The following PITRM1 variants were observed in gnomAD, a reference collection of about 807,000 sequenced individuals.
The protein encoded by PITRM1 is presequence protease, mitochondrial.
In PITRM1, 100 loss-of-function variants were observed where a neutral mutation model predicts 129.9. The observed-to-expected ratio is 0.77, with a 90% CI of 0.65 to 0.91. The LOEUF is 0.91. Among genes scored for constraint, PITRM1 ranks in the 40% least tolerant of loss-of-function variants. PITRM1 has a pLI of 0.00. For missense variants in PITRM1, 1,471 were observed against 1,318.3 expected, an observed-to-expected ratio of 1.12 and a Z score of -1.79; for synonymous variants, 591 against 508.8, an observed-to-expected ratio of 1.16 and a Z score of -2.17.
At chr10:3,157,597 T>A in intron 11 of PITRM1, 66 bp from the exon 12 acceptor site, 4 of 1,050,436 alleles carry the variant, frequency 3.8e-6, no homozygotes, top group Non-Finnish European at 5.6e-6. Context: ...ATCCCAGCAC[T>A]TTGGGAGGCC....
At chr10:3,143,732 C>G (rs892155206) in intron 22 of PITRM1, 1 of 701,206 alleles carries the variant, frequency 1.4e-6, no homozygotes, top group African/African-American at 1.8e-5. Flanking sequence ...CACTGTAAAA[C>G]TGACATGAAG....
chr10:3,147,281 G>T, intron 19 of PITRM1, 31 bp from the exon 20 acceptor site: 1 of 1,487,050 alleles, frequency 6.7e-7, no homozygotes, highest in Non-Finnish European at 9.4e-7. Flanking sequence ...TCAGAGAGAG[G>T]CAGAGGCTAC....
At chr10:3,148,428 G>A (rs1158439108) in intron 16 of PITRM1, 137 bp from the exon 17 acceptor site, 3 of 1,121,646 alleles carry the variant, frequency 2.7e-6, no homozygotes, top group Admixed American at 2.5e-5. Flanking sequence ...ACACTTCGAA[G>A]GTCATAAGCA....
intron 21 of PITRM1, 33 bp from the exon 22 acceptor site, chr10:3,144,399 AAT>A (rs1207125668): frequency 7.6e-7 from 1 of 1,320,358 alleles, no homozygotes; most frequent in African/African-American, 1.5e-5. Context: ...AAAAGAGAAA[AAT>A]CCAGAACTCA....
At chr10:3,138,182 G>T in intron 26 of PITRM1, 53 bp downstream of exon 26, 1 of 1,573,272 alleles carries the variant, frequency 6.4e-7, no homozygotes, top group Non-Finnish European at 8.7e-7. Flanking sequence ...CGCTGTTAGA[G>T]TCAGCACGAG....
intron 6 of PITRM1, 34 bp from the exon 7 acceptor site, chr10:3,163,919 C>T: frequency 1.4e-6 from 2 of 1,471,172 alleles, no homozygotes; most frequent in Non-Finnish European, 9.3e-7. Context: ...CATAAGTATA[C>T]ATGTAAAATA....
intron 6 of PITRM1, among the ~76,000 whole-genome samples, chr10:3,164,490 AT>A (rs887456933): frequency 6.6e-6 from 1 of 152,104 alleles, no homozygotes; most frequent in Non-Finnish European, 1.5e-5. Flanking sequence ...TGAGGTTGCA[AT>A]TTTTTTGTAA....
chr10:3,148,491 G>C (rs915936511), intron 16 of PITRM1, 200 bp from the exon 17 acceptor site: 1 of 586,286 alleles, frequency 1.7e-6, no homozygotes. Context: ...TCCCCAGGGA[G>C]ACCCCAGTTT....
chr10:3,142,340 G>A (rs995416939), intron 23 of PITRM1, among the ~76,000 whole-genome samples: 3 of 152,180 alleles, frequency 2.0e-5, no homozygotes, highest in African/African-American at 2.4e-5. Context: ...CGTGCACCTC[G>A]GAGGCCCGGC....
rs777446752 is a variant in PITRM1 at position 3,155,566 on chromosome 10, G to A, written c.1621+25C>T. On this transcript the variant is annotated intron_variant, in intron 14 of 26. Coordinates refer to ENST00000224949, the MANE Select transcript of PITRM1 (RefSeq NM_014889.4). Reference sequence around the variant, plus strand: ...AGGCCCGAGTGCAGGTTAGGGACTCGCCAGCTCGGAAGGAAGCCTCTGACC... The same window carrying A: ...AGGCCCGAGTGCAGGTTAGGGACTCACCAGCTCGGAAGGAAGCCTCTGACC... The A allele has an allele frequency of 4.3e-6, 7 of 1,612,890 alleles. No individual in the cohort carries two copies. The highest frequency in any genetic ancestry group is 4.0e-5 in the African/African-American group (3 of 74,856).
rs564032567 is a variant in PITRM1 at position 3,155,121 on chromosome 10, G to A, written c.1621+470C>T. Among the ~76,000 whole-genome samples, 13 of 152,114 alleles carry A rather than the reference G, an allele frequency of 8.5e-5. No individual in the cohort carries two copies. The East Asian group carries it at 1.4e-3, about 16-fold the overall frequency. On this transcript the variant is annotated intron_variant, in intron 14 of 26. Coordinates refer to ENST00000224949, the MANE Select transcript of PITRM1 (RefSeq NM_014889.4). ...GGGCACACCTGTCTCCCCCACACAC[G>A]CTGTCCTCCCTCCATGCCCACCGCT...
chr10:3,164,070 T>C, intron 6 of PITRM1, 185 bp from the exon 7 acceptor site: 1 of 389,308 alleles, frequency 2.6e-6, no homozygotes, highest in Non-Finnish European at 4.6e-6. Flanking sequence ...AACACGGTAT[T>C]CAATCATTCA....
At chr10:3,167,844 G>A (rs748443936) in intron 2 of PITRM1, 1 of 152,202 alleles carries the variant, frequency 6.6e-6, no homozygotes, top group Non-Finnish European at 1.5e-5. Context: ...TGGGTTCTCG[G>A]TGGTAGCTAG....
At chr10:3,165,825 C>T (rs756272596) in intron 4 of PITRM1, among the ~76,000 whole-genome samples, 2 of 152,222 alleles carry the variant, frequency 1.3e-5, no homozygotes, top group African/African-American at 2.4e-5. Context: ...CAAAGATGAC[C>T]TCATTCTGTA....
intron 6 of PITRM1, among the ~76,000 whole-genome samples, chr10:3,164,469 C>T (rs1198109310): frequency 1.3e-5 from 2 of 152,070 alleles, no homozygotes; most frequent in Admixed American, 6.6e-5. Context: ...AAAAATTAAC[C>T]CATTTATGCC....
At chr10:3,154,029 C>T (rs1490169901) in intron 14 of PITRM1, among the ~76,000 whole-genome samples, 1 of 152,198 alleles carries the variant, frequency 6.6e-6, no homozygotes, top group Admixed American at 6.5e-5. Flanking sequence ...ACTCTCCCAT[C>T]CCCACTGCAG....
chr10:3,143,150 C>T (rs1840433684), intron 23 of PITRM1: 6 of 540,490 alleles, frequency 1.1e-5, no homozygotes, highest in Middle Eastern at 9.2e-4. Context: ...CTGTATTGTT[C>T]ATAGGACTCC....
intron 23 of PITRM1, among the ~76,000 whole-genome samples, chr10:3,142,525 C>T (rs575474976): frequency 2.0e-4 from 30 of 152,370 alleles, no homozygotes; most frequent in Middle Eastern, 3.4e-3. Flanking sequence ...ACCCAACTGA[C>T]GGGTCCCCAA....
intron 3 of PITRM1, 56 bp from the exon 4 acceptor site, chr10:3,166,436 G>A (rs1842873714): frequency 2.0e-5 from 20 of 1,022,064 alleles, no homozygotes; most frequent in Non-Finnish European, 2.9e-5. Context: ...TGCGGACACA[G>A]TTCCCAGATG....
Sources: allele counts gnomAD v4.1 joint callset (sites outside exome capture counted in the v4.1 genomes callset), GRCh38; gene constraint gnomAD v4.1.1; transcripts MANE v1.5; gene names NCBI Gene and HGNC (gene_info 2026-07-23, HGNC 2026-07-21).